DUS2: variants seen among roughly 807,000 people sequenced by gnomAD.
DUS2 encodes dihydrouridine synthase 2, also known as tRNA-dihydrouridine(20) synthase [NAD(P)+]-like.
In DUS2, 52 loss-of-function variants were observed where a neutral mutation model predicts 71.3. The ratio of observed to expected loss-of-function variants is 0.73; its 90% confidence interval spans 0.58 to 0.92. The LOEUF is 0.92. Ranked by LOEUF, DUS2 falls within the 40% of genes least tolerant of loss-of-function variation. The pLI, the probability that DUS2 is intolerant of heterozygous loss-of-function variation, is 0.00. For missense variants in DUS2, 558 were observed against 622.6 expected (o/e 0.90, Z 1.10); for synonymous variants, 204 against 227.8 (o/e 0.90, Z 0.94).
At position 68,078,818 on chromosome 16, in the gene DUS2, GGGTC is replaced by G. The variant is rs2034196479; in HGVS notation, c.1317_1320del (p.Arg440TrpfsTer28). 1 of 1,613,250 alleles carries G rather than the reference GGGTC, an allele frequency of 6.2e-7. No homozygotes were observed. Among genetic ancestry groups the G allele is most frequent in the Non-Finnish European group, 8.5e-7 (1 of 1,179,712 alleles). On this transcript the variant is annotated frameshift_variant, in exon 17 of 17. Coordinates refer to ENST00000565263, the MANE Select transcript of DUS2 (RefSeq NM_017803.5). LOFTEE classifies it high-confidence loss of function. Reference sequence around the variant, plus strand: ...GTCTGCGGAGCCAGGGCCTCCCTGAGGGTCGGCTGGGTGAGGAGAGCCCTTCCTT... The same window carrying G: ...GTCTGCGGAGCCAGGGCCTCCCTGAGGGCTGGGTGAGGAGAGCCCTTCCTT...
At chr16:68,056,919 TATA>T (rs938273586) in intron 7 of DUS2, among the ~76,000 whole-genome samples, 5 of 143,388 alleles carry the variant, frequency 3.5e-5, no homozygotes, top group South Asian at 2.1e-4. Flanking sequence ...TTCTATATAA[TATA>T]ATAATACACA....
At chr16:68,030,822 C>T (rs918891293) in intron 2 of DUS2, among the ~76,000 whole-genome samples, 12 of 151,934 alleles carry the variant, frequency 7.9e-5, no homozygotes, top group African/African-American at 2.9e-4. Flanking sequence ...GCATCGAACT[C>T]TTGGACTCCC....
At chr16:68,053,904 A>T in intron 5 of DUS2, 1 of 471,132 alleles carries the variant, frequency 2.1e-6, no homozygotes, top group Non-Finnish European at 3.8e-6. Flanking sequence ...ACTTACTTGT[A>T]GGAATTGTCT....
intron 8 of DUS2, among the ~76,000 whole-genome samples, chr16:68,061,358 G>A (rs1165705758): frequency 6.6e-6 from 1 of 152,198 alleles, no homozygotes; most frequent in East Asian, 1.9e-4. Flanking sequence ...TGTCAATGAA[G>A]AGCCAGGGGT....
At chr16:68,051,379 G>A (rs1444813012) in intron 4 of DUS2, among the ~76,000 whole-genome samples, 1 of 152,126 alleles carries the variant, frequency 6.6e-6, no homozygotes, top group East Asian at 1.9e-4. Context: ...TTTTATGTGT[G>A]TTTCTTTGTT....
At chr16:68,064,696 A>G (rs1452494860) in intron 8 of DUS2, among the ~76,000 whole-genome samples, 1 of 152,234 alleles carries the variant, frequency 6.6e-6, no homozygotes, top group South Asian at 2.1e-4. Flanking sequence ...CTAAGACCTC[A>G]GGCCAAGTCT....
chr16:68,045,433 C>G (rs1245459967), intron 3 of DUS2, among the ~76,000 whole-genome samples: 1 of 151,398 alleles, frequency 6.6e-6, no homozygotes, highest in African/African-American at 2.4e-5. Flanking sequence ...CGATGAAACC[C>G]CATCTCTATT....
intron 4 of DUS2, among the ~76,000 whole-genome samples, chr16:68,052,966 A>ATG (rs1567476074): frequency 4.8e-5 from 6 of 123,936 alleles, no homozygotes; most frequent in Non-Finnish European, 1.8e-5. Flanking sequence ...TTGTTTCAAC[A>ATG]TTTTTTTTTT....
intron 2 of DUS2, among the ~76,000 whole-genome samples, chr16:68,036,085 C>T (rs181488082): frequency 1.0e-3 from 156 of 151,354 alleles, no homozygotes; most frequent in African/African-American, 3.5e-3. Context: ...CAACCTCCAC[C>T]TCCTGGGTTC....
chr16:68,078,666 G>A, intron 16 of DUS2, 83 bp from the exon 17 acceptor site: 1 of 1,520,252 alleles, frequency 6.6e-7, no homozygotes, highest in Non-Finnish European at 9.0e-7. Flanking sequence ...ACTCAGTCTT[G>A]TCAGAATCTG....
At chr16:68,038,680 A>G (rs993405288) in intron 3 of DUS2, among the ~76,000 whole-genome samples, 6 of 151,086 alleles carry the variant, frequency 4.0e-5, no homozygotes, top group Non-Finnish European at 4.4e-5. Context: ...CAGTGAGCAA[A>G]GATCACGCCA....
At chr16:68,074,250 C>T in intron 13 of DUS2, 95 bp downstream of exon 13, 9 of 1,491,152 alleles carry the variant, frequency 6.0e-6, no homozygotes, top group Non-Finnish European at 8.3e-6. Flanking sequence ...ACCAGGGACA[C>T]AGCTTCTGGA....
At chr16:68,070,067 T>C in intron 10 of DUS2, 67 bp from the exon 11 acceptor site, 2 of 1,441,000 alleles carry the variant, frequency 1.4e-6, no homozygotes, top group South Asian at 2.3e-5. Flanking sequence ...TTGGCTGAGG[T>C]AACCCTGTGT....
intron 7 of DUS2, 74 bp downstream of exon 7, chr16:68,056,498 AG>A: frequency 8.1e-7 from 1 of 1,234,326 alleles, no homozygotes; most frequent in South Asian, 1.2e-5. Flanking sequence ...AACTAAGTAT[AG>A]TACCTAACTC....
intron 3 of DUS2, among the ~76,000 whole-genome samples, chr16:68,048,733 G>A (rs2033737640): frequency 6.6e-6 from 1 of 152,084 alleles, no homozygotes; most frequent in African/African-American, 2.4e-5. Context: ...GAGTCAGTAT[G>A]GGGGTTAGTA....
At position 68,070,871 on chromosome 16, in the gene DUS2, C is replaced by G. The variant is rs144325711; in HGVS notation, c.642-69C>G. ...TGTTAATCAGTGGCAGATCTGAGAG[C>G]TGACTTTTTCTGAAAATGCTGATAG... On this transcript the variant is annotated intron_variant, in intron 11 of 16. Transcript: ENST00000565263. The G allele has an allele frequency of 7.6e-4, 1,184 of 1,562,348 alleles. 12 individuals carry two copies. The African/African-American group carries it at 0.014, about 18-fold the overall frequency.
chr16:68,028,939 C>G (rs576441374), intron 2 of DUS2, among the ~76,000 whole-genome samples: 2 of 152,112 alleles, frequency 1.3e-5, no homozygotes, highest in Admixed American at 6.6e-5. Flanking sequence ...CAGTGGGTCA[C>G]GCCTGATTCC....
chr16:68,078,066 G>A (rs2034184067), intron 15 of DUS2: 1 of 282,268 alleles, frequency 3.5e-6, no homozygotes, highest in Non-Finnish European at 6.8e-6. Context: ...CTTTGCTCCA[G>A]CCAAGTCACC....
In DUS2 at chr16:68,038,156, G is replaced by A. The variant is rs779303777; in HGVS notation, c.126+7G>A. ...GGACATTGTTTACTGTGAGGTAAGG[G>A]GCTCTGATTTTCTGGGTGGGCTTCT... On this transcript the variant is annotated splice_region_variant and intron_variant, in intron 3 of 16. Transcript: ENST00000565263. 2.1e-5 allele frequency: 34 copies of A among 1,612,838 alleles called. 1 individual carries two copies. Among genetic ancestry groups the A allele is most frequent in the African/African-American group, 2.7e-5 (2 of 74,794 alleles).
Sources: allele counts gnomAD v4.1 joint callset (sites outside exome capture counted in the v4.1 genomes callset), GRCh38; gene constraint gnomAD v4.1.1; transcripts MANE v1.5; gene names NCBI Gene and HGNC (gene_info 2026-07-23, HGNC 2026-07-21).